ANK3: variants seen among roughly 807,000 people sequenced by gnomAD.
ANK3 encodes ankyrin 3, also known as ankyrin-3.
Under a neutral mutation model 370.9 loss-of-function variants are expected in ANK3, and 57 were observed. The ratio of observed to expected loss-of-function variants is 0.15; its 90% CI spans 0.12 to 0.19. ANK3 has a LOEUF of 0.19. Ranked by LOEUF, ANK3 falls within the 10% of genes least tolerant of loss-of-function variation. The pLI, the probability that ANK3 is intolerant of heterozygous loss-of-function variation, is 1.00. For synonymous variants in ANK3, 1,929 were observed against 1,946.3 expected (o/e 0.99, Z 0.23); for missense variants, 4,439 against 5,302.1 (o/e 0.84, Z 5.06).
intron 42 of ANK3, among the ~76,000 whole-genome samples, chr10:60,048,554 T>G (rs1170215313): frequency 6.6e-6 from 1 of 152,216 alleles, no homozygotes; most frequent in Non-Finnish European, 1.5e-5. Flanking sequence ...GTGCAGTATT[T>G]GCATATAAGC....
intron 7 of ANK3, among the ~76,000 whole-genome samples, chr10:60,258,455 C>T (rs1441453744): frequency 6.6e-6 from 1 of 152,190 alleles, no homozygotes; most frequent in Non-Finnish European, 1.5e-5. Flanking sequence ...GTTAAGTATG[C>T]TATAAATCAG....
intron 23 of ANK3, among the ~76,000 whole-genome samples, chr10:60,155,053 C>A (rs1018474020): frequency 1.5e-4 from 23 of 152,016 alleles, no homozygotes; most frequent in Non-Finnish European, 7.4e-5. Flanking sequence ...AGTGATTTTC[C>A]CCTCACAGGA....
In ANK3 at chr10:60,075,706, A is replaced by G. The variant is rs1007867794; in HGVS notation, c.5175T>C (p.Tyr1725=). 2 of 1,613,936 alleles carry G rather than the reference A, an allele frequency of 1.2e-6. No homozygotes were observed. The highest frequency in any genetic ancestry group is 2.2e-5 in the East Asian group (1 of 44,882). Residue 1725 remains tyrosine, a synonymous_variant, in exon 37 of 44, where the codon TAT becomes TAC. Transcript: ENST00000280772. ...CATTAATTAAAGTTGAGGATGATGG[A>G]TATTTTAGAGGGGAAATAGATCCAT... ...LVNGSISPLK[Y]PSSSTLINGC...
intron 1 of ANK3, among the ~76,000 whole-genome samples, chr10:60,378,641 A>T (rs1639721791): frequency 6.6e-6 from 1 of 152,156 alleles, no homozygotes; most frequent in South Asian, 2.1e-4. Context: ...TTGTACATCC[A>T]TATGCAAAAG....
chr10:60,319,065 A>G (rs571966643), intron 1 of ANK3, among the ~76,000 whole-genome samples: 3 of 152,158 alleles, frequency 2.0e-5, no homozygotes, highest in Admixed American at 6.5e-5. Flanking sequence ...CTTGTTCACT[A>G]CAGAAGACTG....
intron 2 of ANK3, among the ~76,000 whole-genome samples, chr10:60,509,490 G>A (rs2076025580): frequency 6.6e-6 from 1 of 152,100 alleles, no homozygotes; most frequent in Non-Finnish European, 1.5e-5. Context: ...ATAAAGATAT[G>A]TGTGCTTTGT....
At chr10:60,281,880 A>G (rs1254437386) in intron 1 of ANK3, among the ~76,000 whole-genome samples, 1 of 152,360 alleles carries the variant, frequency 6.6e-6, no homozygotes, top group East Asian at 1.9e-4. Flanking sequence ...AAAATCATTT[A>G]ATCAGAGCAG....
intron 1 of ANK3, among the ~76,000 whole-genome samples, chr10:60,291,799 A>G (rs7095370): frequency 0.032 from 4,863 of 151,796 alleles, 274 homozygotes; most frequent in African/African-American, 0.11. Flanking sequence ...TGCAACCTCC[A>G]CCTCCCAGGC....
rs1393187451 is a variant in ANK3, at chr10:60,233,533, G to A, written c.897+1155C>T. 2.6e-5 allele frequency among the ~76,000 whole-genome samples: 4 copies of A among 152,276 alleles called. No individual in the cohort carries two copies. The South Asian group carries it at 8.3e-4, about 32-fold the overall frequency. ...TGTAGCCTTGAACTCCTGGGCTCAA[G>A]CGATCCTCCTGCCTCAGCCTGTTGT... On this transcript the variant is annotated intron_variant, in intron 8 of 43. Transcript: ENST00000280772.
intron 2 of ANK3, among the ~76,000 whole-genome samples, chr10:60,568,102 A>G (rs2077506078): frequency 6.6e-6 from 1 of 152,216 alleles, no homozygotes. Context: ...TATTACATAA[A>G]CTTAGTTGAT....
At chr10:60,639,588 T>C (rs1180582642) in intron 1 of ANK3, among the ~76,000 whole-genome samples, 1 of 151,762 alleles carries the variant, frequency 6.6e-6, no homozygotes, top group African/African-American at 2.4e-5. Context: ...GATGAACAAA[T>C]AGAAGTACAC....
chr10:60,720,979 C>T (rs192534440), intron 1 of ANK3, among the ~76,000 whole-genome samples: 3 of 152,238 alleles, frequency 2.0e-5, no homozygotes, highest in African/African-American at 7.2e-5. Context: ...ACCATCCAAC[C>T]AAGCATTTTT....
intron 2 of ANK3, among the ~76,000 whole-genome samples, chr10:60,479,695 A>G (rs938509254): frequency 6.6e-6 from 1 of 151,964 alleles, no homozygotes; most frequent in Non-Finnish European, 1.5e-5. Flanking sequence ...CTCCTATCTT[A>G]GATACCTCTT....
intron 1 of ANK3, among the ~76,000 whole-genome samples, chr10:60,703,153 A>G (rs2079567785): frequency 6.6e-6 from 1 of 152,184 alleles, no homozygotes; most frequent in African/African-American, 2.4e-5. Flanking sequence ...AAATATTATG[A>G]TATTTATAAG....
At chr10:60,078,170 C>T (rs1213271980) in intron 36 of ANK3, among the ~76,000 whole-genome samples, 1 of 152,222 alleles carries the variant, frequency 6.6e-6, no homozygotes, top group Non-Finnish European at 1.5e-5. Flanking sequence ...TCATGCTGTG[C>T]CCGTGCCATT....
chr10:60,457,326 G>A (rs2064772933), intron 2 of ANK3, among the ~76,000 whole-genome samples: 1 of 152,132 alleles, frequency 6.6e-6, no homozygotes, highest in South Asian at 2.1e-4. Flanking sequence ...AGTAAAAGTT[G>A]CCCTCATAAT....
intron 42 of ANK3, chr10:60,043,605 C>A (rs1003745309): frequency 1.5e-5 from 15 of 985,318 alleles, no homozygotes; most frequent in Middle Eastern, 5.2e-4. Context: ...GATTTCCCTG[C>A]AGAACATACT....
chr10:60,170,108 G>A (rs1037650282), intron 21 of ANK3, among the ~76,000 whole-genome samples: 1 of 145,750 alleles, frequency 6.9e-6, no homozygotes, highest in Non-Finnish European at 1.5e-5. Flanking sequence ...GAAGTAATTG[G>A]GTATTTTAAA....
At position 60,440,828 on chromosome 10, in the gene ANK3, T is replaced by G. The variant is rs574581598; in HGVS notation, c.97-161189A>C. Among the ~76,000 whole-genome samples the G allele has an allele frequency of 3.3e-5, 5 of 152,276 alleles. No homozygotes were observed. The South Asian group carries it at 1.0e-3, about 32-fold the overall frequency. On this transcript the variant is annotated intron_variant, in intron 2 of 43. Transcript: ENST00000373827. Reference sequence around the variant, plus strand: ...CATAAATTTCATCCAACCACCCAAATTAATGTAGGAAGTAATGTGTGTGAG... The same window carrying G: ...CATAAATTTCATCCAACCACCCAAAGTAATGTAGGAAGTAATGTGTGTGAG...
Sources: allele counts gnomAD v4.1 joint callset (sites outside exome capture counted in the v4.1 genomes callset), GRCh38; gene constraint gnomAD v4.1.1; transcripts MANE v1.5; gene names NCBI Gene and HGNC (gene_info 2026-07-23, HGNC 2026-07-21).